Variants in ADRM1 observed in about 807,000 individuals in gnomAD.
ADRM1 encodes the protein proteasomal ubiquitin receptor ADRM1.
Under a neutral mutation model 40.1 loss-of-function variants are expected in ADRM1, and 2 were observed. That is an observed-to-expected ratio of 0.05 (90% CI 0.02 to 0.16). ADRM1 has a LOEUF of 0.16. ADRM1 is among the 10% of genes least tolerant of loss of function. The probability of loss-of-function intolerance (pLI) is 1.00; values close to 1 mark genes in which losing one functional copy is unlikely to be tolerated. For missense variants in ADRM1, 467 were observed against 552.5 expected, an observed-to-expected ratio of 0.85 and a Z score of 1.55; for synonymous variants, 287 against 240.4, an observed-to-expected ratio of 1.19 and a Z score of -1.79.
chr20:62,306,792 G>T, intron 5 of ADRM1, 58 bp downstream of exon 5: 1 of 1,457,338 alleles, frequency 6.9e-7, no homozygotes, highest in Non-Finnish European at 9.3e-7. Context: ...TTGAGGCCCG[G>T]TCTCTGTTTC....
intron 5 of ADRM1, 95 bp from the exon 6 acceptor site, chr20:62,307,276 G>A: frequency 7.9e-7 from 1 of 1,258,714 alleles, no homozygotes; most frequent in Non-Finnish European, 1.1e-6. Flanking sequence ...TGGCTTTGGT[G>A]TTGGGAATTC....
intron 5 of ADRM1, among the ~76,000 whole-genome samples, 182 bp downstream of exon 5, chr20:62,306,916 G>C (rs1021685903): frequency 6.6e-6 from 1 of 152,214 alleles, no homozygotes; most frequent in Admixed American, 6.5e-5. Context: ...GGTAGGCGAG[G>C]GCTTCTGGGC....
At chr20:62,307,936 G>A (rs941794898) in intron 7 of ADRM1, 85 bp from the exon 8 acceptor site, 1 of 1,552,492 alleles carries the variant, frequency 6.4e-7, no homozygotes, top group African/African-American at 1.4e-5. Context: ...GGGTGCTGGG[G>A]CCATGGGCTG....
At chr20:62,306,042 G>C in intron 3 of ADRM1, 155 bp from the exon 4 acceptor site, 2 of 1,011,374 alleles carry the variant, frequency 2.0e-6, no homozygotes, top group Non-Finnish European at 2.8e-6. Flanking sequence ...CCCCTCACCT[G>C]CTGGGCCGGG....
chr20:62,304,271 C>CT, intron 2 of ADRM1, 190 bp from the exon 3 acceptor site: 1 of 584,056 alleles, frequency 1.7e-6, no homozygotes, highest in Non-Finnish European at 3.1e-6. Flanking sequence ...CTCCCCCGGC[C>CT]TTGCCTTTCA....
Position 62,307,818 on chromosome 20 carries a change from C to T in ADRM1, c.846C>T (p.Gly282=), listed in dbSNP as rs1321064882. The change falls in exon 7 of 10, where the codon GGC becomes GGT. Residue 282 remains glycine, a synonymous_variant. Transcript: ENST00000253003. ...TGAACGTACCAGCCGGGCCAGCAGG[C>T]GGCCAGCAAGGTAACGTGTGCTGTC... ...ATMNVPAGPA[G]GQQVDLASVL... 40 of 1,606,784 alleles carry T rather than the reference C, an allele frequency of 2.5e-5. 1 individual carries two copies. In the Middle Eastern group the frequency reaches 9.9e-4, roughly 40 times the overall value.
At chr20:62,305,611 A>G (rs1984807064) in intron 3 of ADRM1, 1 of 151,984 alleles carries the variant, frequency 6.6e-6, no homozygotes, top group Non-Finnish European at 1.5e-5. Flanking sequence ...CTGCTTTGCC[A>G]TGAGAGCAGG....
rs1985617938 is a variant in ADRM1, at chr20:62,308,843, T to G, written c.*82T>G. The G allele has an allele frequency of 6.5e-7, 1 of 1,536,904 alleles. No homozygotes were observed. The highest frequency in any genetic ancestry group is 1.2e-5 in the South Asian group (1 of 81,362). On this transcript the variant is annotated 3_prime_UTR_variant, in exon 10 of 10. Transcript: ENST00000253003. Reference sequence around the variant, plus strand: ...TCCCACCCACTGATTATTAATAAAGTCTTTTCTTTTACCTGCCAATGCTTA... The same window carrying G: ...TCCCACCCACTGATTATTAATAAAGGCTTTTCTTTTACCTGCCAATGCTTA...
Position 62,308,004 on chromosome 20 carries a change from G to T in ADRM1, c.857-17G>T, listed in dbSNP as rs369008459. The T allele has an allele frequency of 6.2e-7, 1 of 1,603,014 alleles. No individual in the cohort carries two copies. On this transcript the variant is annotated splice_polypyrimidine_tract_variant and intron_variant, in intron 7 of 9. Coordinates refer to ENST00000253003, the MANE Select transcript of ADRM1 (RefSeq NM_007002.4). ...TTAGGCTGTCATCGAGCTGATGGCC[G>T]TGTTCTTGTGCCCCAGTGGACCTGG...
At chr20:62,304,375 T>G (rs1984579846) in intron 2 of ADRM1, 86 bp from the exon 3 acceptor site, 3 of 1,192,838 alleles carry the variant, frequency 2.5e-6, no homozygotes, top group Non-Finnish European at 3.7e-6. Flanking sequence ...CCCACCCGGT[T>G]AGACCCAGGG....
At position 62,306,341 on chromosome 20, in the gene ADRM1, G is replaced by A. The variant is rs202007765; in HGVS notation, c.454+21G>A. ...AGGCGGTAACTGTCACATGTGTCAC[G>A]TGAGCTCAGGGTTTCCTGGGAGGCC... On this transcript the variant is annotated intron_variant, in intron 4 of 9. Transcript: ENST00000253003. The A allele has an allele frequency of 1.1e-5, 18 of 1,612,552 alleles. No homozygotes were observed. The East Asian group carries it at 1.3e-4, about 12-fold the overall frequency.
In ADRM1 at chr20:62,306,097, G is replaced by A. The variant is rs561675804; in HGVS notation, c.331-100G>A. 116 of 1,507,020 alleles carry A rather than the reference G, an allele frequency of 7.7e-5. 1 individual carries two copies. In the East Asian group the frequency reaches 2.1e-3, roughly 28 times the overall value. 93.4% of individuals were successfully genotyped at this position (1,507,020 alleles called of 1,614,324 possible). ...TGTGGCCAGGCACACGCGCCTCTGC[G>A]TCTCAGGTCCCTCACCTGGAAGCCA... is the stretch of plus-strand genomic sequence containing the variant. On this transcript the variant is annotated intron_variant, in intron 3 of 9. Transcript: ENST00000253003.
In ADRM1 at chr20:62,308,838, T is replaced by TAA. The variant is rs987873206; in HGVS notation, c.*79_*80dup. ...TCACCTCCCACCCACTGATTATTAATAAAGTCTTTTCTTTTACCTGCCAAT... is the reference window on the plus strand; with the variant it reads ...TCACCTCCCACCCACTGATTATTAATAAAAAGTCTTTTCTTTTACCTGCCAAT... On this transcript the variant is annotated 3_prime_UTR_variant, in exon 10 of 10. Coordinates refer to ENST00000253003, the MANE Select transcript of ADRM1 (RefSeq NM_007002.4). 6.5e-6 allele frequency: 10 copies of TAA among 1,549,318 alleles called. No homozygotes were observed. The Admixed American group carries it at 1.5e-4, about 23-fold the overall frequency.
intron 7 of ADRM1, 75 bp from the exon 8 acceptor site, chr20:62,307,946 G>A (rs1181917549): frequency 1.3e-6 from 2 of 1,561,858 alleles, no homozygotes; most frequent in African/African-American, 1.3e-5. Context: ...GCCATGGGCT[G>A]AGTCCCTGCT....
chr20:62,307,015 C>T (rs1369833354), intron 5 of ADRM1, among the ~76,000 whole-genome samples: 4 of 152,136 alleles, frequency 2.6e-5, no homozygotes, highest in South Asian at 2.1e-4. Context: ...GGGGTTCCTG[C>T]GCCCTGGGTC....
chr20:62,308,670 C>T lies in ADRM1; in HGVS notation c.1133C>T (p.Ala378Val). 1 of 1,612,978 alleles carries T rather than the reference C, an allele frequency of 6.2e-7. No individual in the cohort carries two copies. The highest frequency in any genetic ancestry group is 1.3e-5 in the African/African-American group (1 of 75,022). Residue 378 changes from alanine to valine, a missense_variant, in exon 10 of 10, where the codon GCC becomes GTC. Transcript: ENST00000253003. ...CGTGTTCTAGATGTGGAAGCGTTTG[C>T]CAAAGCCATGCAGAACAACGCCAAG... ...AANKGDVEAF[A>V]KAMQNNAKPE...
At chr20:62,306,145 C>T (rs1984918031) in intron 3 of ADRM1, 52 bp from the exon 4 acceptor site, 1 of 1,580,040 alleles carries the variant, frequency 6.3e-7, no homozygotes, top group African/African-American at 1.3e-5. Flanking sequence ...GCTGTGGTGG[C>T]CCTGGGTGAG....
Position 62,307,560 on chromosome 20 carries a change from G to A in ADRM1, c.624-36G>A, listed in dbSNP as rs371951810. 9 of 1,602,934 alleles carry A rather than the reference G, an allele frequency of 5.6e-6. No individual in the cohort carries two copies. The African/African-American group carries it at 1.1e-4, about 19-fold the overall frequency. On this transcript the variant is annotated intron_variant, in intron 6 of 9. Transcript: ENST00000253003. ...CTGCGAGTAGGCCCTGCCGTGTGGG[G>A]CGTGTCCGCTCCAGCGGTGCCCTCT...
In ADRM1 at chr20:62,307,628, C is replaced by T; in HGVS notation, c.656C>T (p.Ser219Leu). The T allele has an allele frequency of 1.2e-6, 2 of 1,611,958 alleles. No homozygotes were observed. The highest frequency in any genetic ancestry group is 1.7e-6 in the Non-Finnish European group (2 of 1,179,876). ...SRSQSAAVTP[S>L]STTSSTRATP... ...AGCCAGTCGGCAGCGGTCACCCCGTCATCCACCACCTCTTCCACCCGTGCC... is the reference window on the plus strand; with the variant it reads ...AGCCAGTCGGCAGCGGTCACCCCGTTATCCACCACCTCTTCCACCCGTGCC... Residue 219 changes from serine (S) to leucine (L), a missense_variant, in exon 7 of 10, where the codon TCA (serine) becomes TTA (leucine). Around this residue, in one of 3 missense-constraint regions of ADRM1, gnomAD observed 418 missense variants for 474.6 expected, o/e 0.88. Coordinates refer to ENST00000253003, the MANE Select transcript of ADRM1 (RefSeq NM_007002.4).
Sources: gnomAD v4.1 joint callset for allele counts (sites outside exome capture counted in the v4.1 genomes callset) on GRCh38, gnomAD v4.1.1 for gene constraint, gnomAD v4.1.1 regional missense constraint, MANE v1.5 for transcripts, NCBI Gene and HGNC (gene_info 2026-07-23, HGNC 2026-07-21) for gene names.